Variants in ANGPT1 observed in about 807,000 individuals in gnomAD.
ANGPT1 encodes the protein angiopoietin-1.
Under a neutral mutation model 62.2 loss-of-function variants are expected in ANGPT1, and 17 were observed. The ratio of observed to expected loss-of-function variants is 0.27; its 90% confidence interval spans 0.19 to 0.41. ANGPT1 has a LOEUF of 0.41. Ranked by LOEUF, ANGPT1 falls within the 10% of genes least tolerant of loss-of-function variation. The probability of loss-of-function intolerance (pLI) is 1.00; values close to 1 mark genes in which losing one functional copy is unlikely to be tolerated. For synonymous variants in ANGPT1, 199 were observed against 198.9 expected, an observed-to-expected ratio of 1.00 and a Z score of 0.00; for missense variants, 478 against 594.9, an observed-to-expected ratio of 0.80 and a Z score of 2.04.
chr8:107,291,657 C>T (rs1422997671), intron 6 of ANGPT1, among the ~76,000 whole-genome samples: 2 of 152,030 alleles, frequency 1.3e-5, no homozygotes, highest in Non-Finnish European at 2.9e-5. Flanking sequence ...GTGATCCACC[C>T]ACCTCGGCCT....
chr8:107,486,394 C>A (rs561700186), intron 1 of ANGPT1, among the ~76,000 whole-genome samples: 1 of 152,222 alleles, frequency 6.6e-6, no homozygotes, highest in African/African-American at 2.4e-5. Context: ...TCATTTGCCA[C>A]GTGAGGCAAT....
chr8:107,431,899 A>G (rs1287650134), intron 1 of ANGPT1, among the ~76,000 whole-genome samples: 1 of 152,188 alleles, frequency 6.6e-6, no homozygotes, highest in Non-Finnish European at 1.5e-5. Flanking sequence ...CCTTATAACA[A>G]ACTTACATCT....
At chr8:107,419,327 T>C (rs1178086080) in intron 1 of ANGPT1, among the ~76,000 whole-genome samples, 1 of 152,106 alleles carries the variant, frequency 6.6e-6, no homozygotes, top group Non-Finnish European at 1.5e-5. Context: ...CATAAAACTT[T>C]CATTCCAGAG....
At chr8:107,484,799 T>G (rs1812775579) in intron 1 of ANGPT1, among the ~76,000 whole-genome samples, 2 of 152,242 alleles carry the variant, frequency 1.3e-5, no homozygotes, top group Admixed American at 1.3e-4. Flanking sequence ...CAACAGCAAT[T>G]TCTTTGGCAG....
intron 1 of ANGPT1, among the ~76,000 whole-genome samples, chr8:107,381,879 TTCTTTGCCTGGTCCATAGCTTTTTCCTGC>T (rs1318599344): frequency 6.6e-6 from 1 of 152,224 alleles, no homozygotes; most frequent in East Asian, 1.9e-4. Flanking sequence ...TAAATGCTGC[TTCTTTGCCTGGTCCATAGCTTTTTCCTGC>T]TCTTTGCCTA....
At chr8:107,354,937 G>T in intron 1 of ANGPT1, among the ~76,000 whole-genome samples, 1 of 147,266 alleles carries the variant, frequency 6.8e-6, no homozygotes, top group African/African-American at 2.5e-5. Flanking sequence ...TTTTTTGAGA[G>T]GGAGTCTCTG....
intron 1 of ANGPT1, among the ~76,000 whole-genome samples, chr8:107,484,389 T>TA (rs1175715901): frequency 1.3e-5 from 2 of 152,142 alleles, no homozygotes; most frequent in Non-Finnish European, 2.9e-5. Flanking sequence ...TACCTTATTT[T>TA]AAAAAATCAT....
intron 1 of ANGPT1, among the ~76,000 whole-genome samples, chr8:107,350,777 A>T (rs1187311346): frequency 6.6e-6 from 1 of 152,102 alleles, no homozygotes; most frequent in Non-Finnish European, 1.5e-5. Context: ...GCCACACTTA[A>T]GTAGCAAGAA....
intron 1 of ANGPT1, among the ~76,000 whole-genome samples, chr8:107,470,018 T>C (rs1270818654): frequency 6.6e-6 from 1 of 152,072 alleles, no homozygotes; most frequent in East Asian, 1.9e-4. Context: ...TATTCCACAA[T>C]TGATCTGTGT....
chr8:107,463,021 G>A (rs1812111043), intron 1 of ANGPT1, among the ~76,000 whole-genome samples: 1 of 152,078 alleles, frequency 6.6e-6, no homozygotes, highest in South Asian at 2.1e-4. Context: ...CCCTCCCCCG[G>A]TGCATGGACA....
intron 4 of ANGPT1, 92 bp from the exon 5 acceptor site, chr8:107,303,459 T>G: frequency 9.1e-7 from 1 of 1,096,904 alleles, no homozygotes; most frequent in Non-Finnish European, 1.3e-6. Context: ...TGTCTTCATT[T>G]CCTCCACACA....
chr8:107,319,361 CT>C (rs145062073), intron 4 of ANGPT1, among the ~76,000 whole-genome samples: 2,767 of 152,112 alleles, frequency 0.018, 70 homozygotes, highest in African/African-American at 0.063. Flanking sequence ...ACCAGAAGAC[CT>C]TTTAGGGTCA....
In ANGPT1 at chr8:107,356,650, C is replaced by G. The variant is rs139087631; in HGVS notation, c.298-9553G>C. On this transcript the variant is annotated intron_variant, in intron 1 of 8. Coordinates refer to ENST00000517746, the MANE Select transcript of ANGPT1 (RefSeq NM_001146.5). ...AAATACAGCCTGGAAAAATTGAGGG[C>G]TAGGGGATAAGAAAGGACTCTGGGA... Among the ~76,000 whole-genome samples, 63 of 152,202 alleles carry G rather than the reference C, an allele frequency of 4.1e-4. No individual in the cohort carries two copies. The East Asian group carries it at 9.9e-3, about 24-fold the overall frequency.
chr8:107,286,005 A>T (rs1406973503), intron 6 of ANGPT1, among the ~76,000 whole-genome samples: 1 of 152,154 alleles, frequency 6.6e-6, no homozygotes, highest in Non-Finnish European at 1.5e-5. Context: ...GGGAGAGAGA[A>T]ATGGAGGTAA....
At chr8:107,432,663 CAA>C (rs35833239) in intron 1 of ANGPT1, among the ~76,000 whole-genome samples, 92 of 86,352 alleles carry the variant, frequency 1.1e-3, no homozygotes, top group Admixed American at 4.4e-3. Context: ...GACTCCATCT[CAA>C]AAAAAAAAAA....
intron 1 of ANGPT1, among the ~76,000 whole-genome samples, chr8:107,385,386 G>A (rs1487872864): frequency 1.3e-5 from 2 of 151,978 alleles, no homozygotes; most frequent in African/African-American, 4.8e-5. Flanking sequence ...AATTCATTTT[G>A]TGGCTACTGT....
intron 1 of ANGPT1, among the ~76,000 whole-genome samples, chr8:107,432,337 G>A (rs1811210849): frequency 6.6e-6 from 1 of 152,242 alleles, no homozygotes; most frequent in Non-Finnish European, 1.5e-5. Flanking sequence ...CTGAGATATA[G>A]CTTTCTTAGG....
rs140085272 is a variant in ANGPT1, at chr8:107,428,632, T to TTGTGTG, written c.297+68624_297+68629dup. Among the ~76,000 whole-genome samples, 143 of 149,304 alleles carry TTGTGTG rather than the reference T, an allele frequency of 9.6e-4. 1 individual carries two copies. In the East Asian group the frequency reaches 0.018, roughly 18 times the overall value. On this transcript the variant is annotated intron_variant, in intron 1 of 8. Coordinates refer to ENST00000517746, the MANE Select transcript of ANGPT1 (RefSeq NM_001146.5). ...TAGTAGTGCTGGTAGTTTTTTCATTTTGTGTGTGTGTGTGTGTGTGTGTGT... is the reference window on the plus strand; with the variant it reads ...TAGTAGTGCTGGTAGTTTTTTCATTTTGTGTGTGTGTGTGTGTGTGTGTGTGTGTGT...
intron 1 of ANGPT1, among the ~76,000 whole-genome samples, chr8:107,419,637 A>T (rs1424208923): frequency 6.6e-6 from 1 of 152,068 alleles, no homozygotes; most frequent in Admixed American, 6.5e-5. Context: ...TGTCTTTGTC[A>T]GTTTTATTTT....
Sources: allele counts gnomAD v4.1 joint callset (sites outside exome capture counted in the v4.1 genomes callset), GRCh38; gene constraint gnomAD v4.1.1; transcripts MANE v1.5; gene names NCBI Gene and HGNC (gene_info 2026-07-23, HGNC 2026-07-21).